The following KIF13A variants were observed in gnomAD, a reference collection of about 807,000 sequenced individuals.
KIF13A encodes kinesin family member 13A.
Under a neutral mutation model 212.2 loss-of-function variants are expected in KIF13A, and 79 were observed. The ratio of observed to expected loss-of-function variants is 0.37; its 90% CI spans 0.31 to 0.45. The LOEUF (loss-of-function observed/expected upper bound fraction) is 0.45, where lower values mean the gene tolerates loss of function less well. KIF13A is among the 20% of genes least tolerant of loss of function. The probability of loss-of-function intolerance (pLI) is 1.00; values close to 1 mark genes in which losing one functional copy is unlikely to be tolerated. For missense variants in KIF13A, 1,901 were observed against 2,209.0 expected (o/e 0.86, Z 2.79); for synonymous variants, 789 against 808.6 (o/e 0.98, Z 0.41).
intron 2 of KIF13A, among the ~76,000 whole-genome samples, chr6:17,986,312 G>A (rs891346276): frequency 4.6e-5 from 7 of 152,168 alleles, no homozygotes; most frequent in Middle Eastern, 3.4e-3. Flanking sequence ...AATTATTTTG[G>A]GGCGTTAACC....
At position 17,987,577 on chromosome 6, in the gene KIF13A, C is replaced by A; in HGVS notation, c.-114G>T. ...CCCCTCGAGCGCGGCCGCCGCCGCT[C>A]CGCCGTGAGCTCCGAGAGGCAGCGC... On this transcript the variant is annotated 5_prime_UTR_variant, in exon 1 of 39. The change creates a premature stop within an existing upstream ORF in the 5' untranslated region. Coordinates refer to ENST00000259711, the MANE Select transcript of KIF13A (RefSeq NM_022113.6). The surrounding 1 kb of genome is among the most constrained non-coding windows in gnomAD (Gnocchi z 7.7). 1 of 450,104 alleles carries A rather than the reference C, an allele frequency of 2.2e-6. No individual in the cohort carries two copies. The highest frequency in any genetic ancestry group is 9.2e-5 in the South Asian group (1 of 10,928). 27.9% of individuals were successfully genotyped at this position (450,104 alleles called of 1,614,324 possible).
intron 9 of KIF13A, among the ~76,000 whole-genome samples, chr6:17,844,158 A>G (rs990779474): frequency 2.0e-5 from 3 of 152,192 alleles, no homozygotes; most frequent in African/African-American, 7.2e-5. Flanking sequence ...CTTAACAGTA[A>G]AGCAGAAATG....
In KIF13A at chr6:17,961,205, G is replaced by A. The variant is rs575642288; in HGVS notation, c.146+25849C>T. ...GAGCACTTCAAACTGGAGAAAATAC[G>A]GAAGTGGAAACTGGGATGTGCAGCT... On this transcript the variant is annotated intron_variant, in intron 2 of 38. Transcript: ENST00000259711. The surrounding 1 kb of genome is among the most constrained non-coding windows in gnomAD (Gnocchi z 4.1). Among the ~76,000 whole-genome samples the A allele has an allele frequency of 8.7e-5, 12 of 137,202 alleles. No individual in the cohort carries two copies. Among genetic ancestry groups the A allele is most frequent in the African/African-American group, 2.5e-4 (10 of 40,532 alleles). The allele number at this position is 137,202 out of a possible 152,430, so 90.0% of individuals were successfully genotyped here.
At chr6:17,779,871 G>C (rs1310961998) in intron 31 of KIF13A, among the ~76,000 whole-genome samples, 187 bp from the exon 32 acceptor site, 3 of 151,578 alleles carry the variant, frequency 2.0e-5, no homozygotes, top group Admixed American at 6.6e-5. Context: ...CTCCCGAGTA[G>C]CTGGGACTAC....
intron 16 of KIF13A, among the ~76,000 whole-genome samples, chr6:17,823,133 T>G (rs1175223317): frequency 6.6e-6 from 1 of 151,188 alleles, no homozygotes; most frequent in African/African-American, 2.4e-5. Flanking sequence ...ACCTCCCGGG[T>G]TCAAGCGATT....
intron 2 of KIF13A, among the ~76,000 whole-genome samples, chr6:17,980,049 T>C (rs1009960917): frequency 6.6e-6 from 1 of 152,146 alleles, no homozygotes; most frequent in Non-Finnish European, 1.5e-5. Context: ...AATTTTTTTT[T>C]CAGAACTGAA....
intron 34 of KIF13A, among the ~76,000 whole-genome samples, chr6:17,775,848 T>A (rs1233496144): frequency 1.3e-5 from 2 of 152,084 alleles, no homozygotes; most frequent in East Asian, 3.9e-4. Context: ...TTGAAAAAAA[T>A]ATTTTTTTTT....
chr6:17,760,618 T>A (rs1758541818), downstream of KIF13A: 1 of 581,532 alleles, frequency 1.7e-6, no homozygotes, highest in Non-Finnish European at 3.1e-6. Flanking sequence ...GGATTTTCAG[T>A]TCTCTTGCTT....
At chr6:17,852,590 A>G (rs190402416) in intron 6 of KIF13A, among the ~76,000 whole-genome samples, 2 of 152,116 alleles carry the variant, frequency 1.3e-5, no homozygotes, top group East Asian at 3.9e-4. Flanking sequence ...GCTAGTTTTT[A>G]TATTTTTTGT....
intron 2 of KIF13A, among the ~76,000 whole-genome samples, chr6:17,925,953 T>C (rs1427639954): frequency 6.6e-6 from 1 of 152,220 alleles, no homozygotes; most frequent in African/African-American, 2.4e-5. Flanking sequence ...TTACTAAATA[T>C]GTCAGTTACT....
intron 18 of KIF13A, among the ~76,000 whole-genome samples, chr6:17,807,372 A>G (rs1038332904): frequency 2.0e-5 from 3 of 152,088 alleles, no homozygotes; most frequent in Non-Finnish European, 4.4e-5. Flanking sequence ...GGGGAGGTCT[A>G]TAAACGGCCG....
At chr6:17,894,219 C>T (rs571002400) in intron 3 of KIF13A, among the ~76,000 whole-genome samples, 1 of 151,594 alleles carries the variant, frequency 6.6e-6, no homozygotes, top group East Asian at 1.9e-4. Flanking sequence ...ACAGCCTAAA[C>T]TTACCGTGCT....
rs745729592 is a variant in KIF13A at position 17,817,038 on chromosome 6, G to T, written c.1982C>A (p.Thr661Asn). ...YSSQTAQQKV[T>N]QWAEERDELF... ...TTCTTACCTCTCTTCTGCCCACTGG[G>T]TCACCTTCTGCTGCGCTGTCTGGCT... is the stretch of plus-strand genomic sequence containing the variant. Residue 661 changes from threonine to asparagine, a missense_variant, in exon 17 of 39, where the codon ACC (threonine) becomes AAC (asparagine). Around this residue, in one of 5 missense-constraint regions of KIF13A, gnomAD observed 534 missense variants for 536.9 expected, o/e 0.99. Transcript: ENST00000259711. 2.5e-5 allele frequency: 41 copies of T among 1,612,082 alleles called. No homozygotes were observed. In the South Asian group the frequency reaches 4.5e-4, roughly 18 times the overall value.
chr6:17,822,040 C>CATCT, intron 16 of KIF13A: 1 of 615,942 alleles, frequency 1.6e-6, no homozygotes, highest in Admixed American at 4.7e-5. Flanking sequence ...GGAAACATAA[C>CATCT]TTCTTTTTTT....
rs1760766740 is a variant in KIF13A at position 17,783,261 on chromosome 6, C to T, written c.3544+385G>A. Among the ~76,000 whole-genome samples the T allele has an allele frequency of 6.6e-6, 1 of 152,204 alleles. No homozygotes were observed. The highest frequency in any genetic ancestry group is 1.9e-4 in the East Asian group (1 of 5,190). ...GCAATATGAAGGACAACCCCTAAGG[C>T]AGGGTTATAGTGTGATCACTTCTGC... On this transcript the variant is annotated intron_variant, in intron 29 of 38. Coordinates refer to ENST00000259711, the MANE Select transcript of KIF13A (RefSeq NM_022113.6). The surrounding 1 kb of genome is among the most constrained non-coding windows in gnomAD (Gnocchi z 4.3).
rs1771516231 is a variant in KIF13A at position 17,886,112 on chromosome 6, T to C, written c.159+12056A>G. 6.6e-6 allele frequency among the ~76,000 whole-genome samples: 1 copy of C among 152,254 alleles called. No individual in the cohort carries two copies. Among genetic ancestry groups the C allele is most frequent in the Non-Finnish European group, 1.5e-5 (1 of 68,052 alleles). On this transcript the variant is annotated intron_variant, in intron 3 of 38. Coordinates refer to ENST00000259711, the MANE Select transcript of KIF13A (RefSeq NM_022113.6). The surrounding 1 kb of genome is among the most constrained non-coding windows in gnomAD (Gnocchi z 5.6). The stretch of plus-strand genomic sequence containing the variant: ...ATCAGATCCTATCTGCTATCTCTGA[T>C]AAATGATTATTGTTACTCATAAAAA...
chr6:17,882,441 T>C (rs1771155574), intron 3 of KIF13A, among the ~76,000 whole-genome samples: 1 of 152,222 alleles, frequency 6.6e-6, no homozygotes, highest in African/African-American at 2.4e-5. Flanking sequence ...TATGTCAAGA[T>C]AATTTAATTT....
intron 3 of KIF13A, among the ~76,000 whole-genome samples, chr6:17,880,582 C>A (rs537226991): frequency 3.5e-5 from 5 of 144,578 alleles, no homozygotes; most frequent in Non-Finnish European, 6.0e-5. Flanking sequence ...GAGCCAAGAT[C>A]GCACCATTGC....
Position 17,883,507 on chromosome 6 carries a change from C to A in KIF13A, c.160-10070G>T, listed in dbSNP as rs1199148103. On this transcript the variant is annotated intron_variant, in intron 3 of 38. Transcript: ENST00000259711. The surrounding 1 kb of genome is among the most constrained non-coding windows in gnomAD (Gnocchi z 4.8). ...CAGTGGCACAGCCAGGATAGCAGCA[C>A]CCCAACGATACTTTGCCAAAGCCTC... Among the ~76,000 whole-genome samples, 1 of 152,136 alleles carries A rather than the reference C, an allele frequency of 6.6e-6. No homozygotes were observed. Among genetic ancestry groups the A allele is most frequent in the Non-Finnish European group, 1.5e-5 (1 of 68,030 alleles).
Sources: gnomAD v4.1 joint callset for allele counts (sites outside exome capture counted in the v4.1 genomes callset) on GRCh38, gnomAD v4.1.1 for gene constraint, gnomAD v4.1.1 regional missense constraint, Gnocchi (gnomAD v3.1) non-coding constraint, MANE v1.5 for transcripts, NCBI Gene and HGNC (gene_info 2026-07-23, HGNC 2026-07-21) for gene names.